The following CCNF variants were observed in gnomAD, a reference collection of about 807,000 sequenced individuals.
The protein encoded by CCNF is cyclin F.
Under a neutral mutation model 85.4 loss-of-function variants are expected in CCNF, and 30 were observed. That is an observed-to-expected ratio of 0.35 (90% CI 0.26 to 0.48). CCNF has a LOEUF of 0.48. CCNF is among the 20% of genes least tolerant of loss of function. CCNF has a pLI of 0.99. For synonymous variants in CCNF, 439 were observed against 425.1 expected (o/e 1.03, Z -0.40); for missense variants, 919 against 1,010.4 (o/e 0.91, Z 1.23).
At chr16:2,444,543 G>A (rs1273118567) in intron 9 of CCNF, among the ~76,000 whole-genome samples, 3 of 149,378 alleles carry the variant, frequency 2.0e-5, no homozygotes, top group Admixed American at 6.7e-5. Flanking sequence ...CTCGTGATCC[G>A]CCTGCCTCCG....
At position 2,453,135 on chromosome 16, in the gene CCNF, C is replaced by A; in HGVS notation, c.1488-75C>A. The stretch of plus-strand genomic sequence containing the variant: ...ACTGCACCATTTTGCATTCTCATTG[C>A]TCACTTCAGTGAACTGAAGCTAAAA... On this transcript the variant is annotated intron_variant, in intron 13 of 16. Coordinates refer to ENST00000397066, the MANE Select transcript of CCNF (RefSeq NM_001761.3). The surrounding 1 kb of genome is among the most constrained non-coding windows in gnomAD (Gnocchi z 5.6). 7.9e-7 allele frequency: 1 copy of A among 1,264,980 alleles called. No individual in the cohort carries two copies. 78.4% of individuals were successfully genotyped at this position (1,264,980 alleles called of 1,614,324 possible). A position where few individuals can be genotyped will look rare whatever the true frequency, so the allele number is the denominator to read the frequency against.
In CCNF at chr16:2,437,449, TGA is replaced by T. The variant is rs1279806166; in HGVS notation, c.540+131_540+132del. On this transcript the variant is annotated intron_variant, in intron 5 of 16. Transcript: ENST00000397066. Reference sequence around the variant, plus strand: ...TAAGGGAAGTGAAGATGCAGAAAACTGAGAGTGCAGATATGGGGAACGCATCT... The same window carrying T: ...TAAGGGAAGTGAAGATGCAGAAAACTGAGTGCAGATATGGGGAACGCATCT... 4.4e-6 allele frequency: 3 copies of T among 677,644 alleles called. No individual in the cohort carries two copies. In the Admixed American group the frequency reaches 9.3e-5, roughly 21 times the overall value. The allele number at this position is 677,644 out of a possible 1,614,324, so 42.0% of individuals were successfully genotyped here.
Position 2,456,926 on chromosome 16 carries a change from C to T in CCNF, c.2267C>T (p.Pro756Leu), listed in dbSNP as rs370448527. Reference sequence around the variant, plus strand: ...TTACAGTGTCGTCCCCCAAGTCCCCCGGAGAGCAGTGTTCCCCAGCAACAG... The same window carrying T: ...TTACAGTGTCGTCCCCCAAGTCCCCTGGAGAGCAGTGTTCCCCAGCAACAG... Reference protein sequence around the residue: ...SCLQCRPPSPPESSVPQQQVK... With the variant: ...SCLQCRPPSPLESSVPQQQVK... The change falls in exon 17 of 17, where the codon CCG (proline) becomes CTG (leucine). Residue 756 changes from proline (P) to leucine (L), a missense_variant. Around this residue, in one of 3 missense-constraint regions of CCNF, gnomAD observed 505 missense variants for 514.8 expected, o/e 0.98. Coordinates refer to ENST00000397066, the MANE Select transcript of CCNF (RefSeq NM_001761.3). This position sits in a 1 kb window ranked among gnomAD's most constrained non-coding sequence, Gnocchi z 4.5. The T allele has an allele frequency of 6.0e-5, 97 of 1,614,116 alleles. No homozygotes were observed. Among genetic ancestry groups the T allele is most frequent in the South Asian group, 5.3e-4 (48 of 91,074 alleles).
chr16:2,441,019 G>T (rs1353375129), intron 8 of CCNF, among the ~76,000 whole-genome samples: 1 of 150,950 alleles, frequency 6.6e-6, no homozygotes, highest in Non-Finnish European at 1.5e-5. Flanking sequence ...GGATCACGAG[G>T]TCAAGAGGTC....
In CCNF at chr16:2,449,365, C is replaced by T; in HGVS notation, c.1302C>T (p.Leu434=). The T allele has an allele frequency of 1.2e-6, 2 of 1,613,504 alleles. No homozygotes were observed. The highest frequency in any genetic ancestry group is 1.7e-6 in the Non-Finnish European group (2 of 1,179,958). ...GAACCCAGCACCTGTGCAGCTTCCT[C>T]TGCGAGCTCTCCCTGCTGCACACCA... is the stretch of plus-strand genomic sequence containing the variant. ...ELRTQHLCSF[L]CELSLLHTSL... The change falls in exon 12 of 17, where the codon CTC becomes CTT. Residue 434 remains leucine (L), a synonymous_variant. Coordinates refer to ENST00000397066, the MANE Select transcript of CCNF (RefSeq NM_001761.3).
At chr16:2,446,320 C>G (rs2065362221) in intron 10 of CCNF, among the ~76,000 whole-genome samples, 2 of 152,184 alleles carry the variant, frequency 1.3e-5, no homozygotes, top group Middle Eastern at 3.4e-3. Context: ...AAGTTGGGTT[C>G]TAAAGTCTGT....
At chr16:2,430,034 A>G (rs1293906916) in intron 1 of CCNF, among the ~76,000 whole-genome samples, 1 of 152,196 alleles carries the variant, frequency 6.6e-6, no homozygotes, top group Non-Finnish European at 1.5e-5. Flanking sequence ...GAGCCGGAGA[A>G]TGAGGAATAT....
Position 2,432,081 on chromosome 16 carries a change from C to T in CCNF, c.171+797C>T, listed in dbSNP as rs183559779. Among the ~76,000 whole-genome samples the T allele has an allele frequency of 2.1e-3, 316 of 152,190 alleles. 2 individuals are homozygous for T. The highest frequency in any genetic ancestry group is 7.1e-3 in the African/African-American group (293 of 41,528). ...TCTTGACCTCGTGATCCGCCCGCCT[C>T]GGCCTCCCAAAGTGCTGGGATTACA... is the stretch of plus-strand genomic sequence containing the variant. On this transcript the variant is annotated intron_variant, in intron 2 of 16. Coordinates refer to ENST00000397066, the MANE Select transcript of CCNF (RefSeq NM_001761.3).
intron 2 of CCNF, among the ~76,000 whole-genome samples, chr16:2,432,126 G>A (rs940349541): frequency 2.0e-5 from 3 of 152,088 alleles, no homozygotes; most frequent in Non-Finnish European, 4.4e-5. Context: ...CACTGCACCC[G>A]GCTGAAAGTA....
chr16:2,448,754 C>A lies in CCNF; in HGVS notation c.1095-101C>A. 9 of 1,048,390 alleles carry A rather than the reference C, an allele frequency of 8.6e-6. No homozygotes were observed. The South Asian group carries it at 1.3e-4, about 16-fold the overall frequency. The allele number at this position is 1,048,390 out of a possible 1,614,324, so 64.9% of individuals were successfully genotyped here. On this transcript the variant is annotated intron_variant, in intron 10 of 16. Coordinates refer to ENST00000397066, the MANE Select transcript of CCNF (RefSeq NM_001761.3). ...TTGTCACCAAAGCCCAACGCCATGGCTCCCTCCCTACCTTGAGGCCTCCTA... is the reference window on the plus strand; with the variant it reads ...TTGTCACCAAAGCCCAACGCCATGGATCCCTCCCTACCTTGAGGCCTCCTA...
intron 12 of CCNF, 25 bp downstream of exon 12, chr16:2,449,487 T>C (rs761710479): frequency 1.3e-6 from 2 of 1,587,656 alleles, no homozygotes; most frequent in Non-Finnish European, 8.5e-7. Flanking sequence ...TTCCCAGGGA[T>C]GCCTGTGTCG....
Position 2,456,966 on chromosome 16 carries a change from C to A in CCNF, c.2307C>A (p.Asn769Lys). 1 of 1,611,190 alleles carries A rather than the reference C, an allele frequency of 6.2e-7. No individual in the cohort carries two copies. Among genetic ancestry groups the A allele is most frequent in the South Asian group, 1.1e-5 (1 of 90,552 alleles). The stretch of plus-strand genomic sequence containing the variant: ...CCCAGCAACAGGTGAAGCGGATAAA[C>A]CTATGCATACACAGTGAGGAGGAGG... ...SVPQQQVKRI[N>K]LCIHSEEEDM... Residue 769 changes from asparagine to lysine, a missense_variant, in exon 17 of 17, where the codon AAC (asparagine) becomes AAA (lysine). This residue lies in a region of CCNF where 505 missense variants were observed against 514.8 expected (regional missense o/e 0.98). Transcript: ENST00000397066. This position sits in a 1 kb window ranked among gnomAD's most constrained non-coding sequence, Gnocchi z 4.5.
rs1261792905 is a variant in CCNF, at chr16:2,453,572, T to C, written c.1715+35T>C. ...CCTGCGTTCTGGCTGCGCCATACAATGCTGGCATCCTCGTGCCGGCCCAGT... is the reference window on the plus strand; with the variant it reads ...CCTGCGTTCTGGCTGCGCCATACAACGCTGGCATCCTCGTGCCGGCCCAGT... On this transcript the variant is annotated intron_variant, in intron 15 of 16. Coordinates refer to ENST00000397066, the MANE Select transcript of CCNF (RefSeq NM_001761.3). The surrounding 1 kb of genome is among the most constrained non-coding windows in gnomAD (Gnocchi z 5.6). The C allele has an allele frequency of 1.2e-6, 2 of 1,612,464 alleles. No homozygotes were observed. The highest frequency in any genetic ancestry group is 8.5e-7 in the Non-Finnish European group (1 of 1,179,308).
chr16:2,443,924 C>CCT, intron 9 of CCNF, 124 bp downstream of exon 9: 1 of 570,452 alleles, frequency 1.8e-6, no homozygotes. Flanking sequence ...CCTTATCACC[C>CCT]TTTTTTTTTT....
chr16:2,454,069 C>T (rs2065410757), intron 15 of CCNF, among the ~76,000 whole-genome samples: 1 of 152,214 alleles, frequency 6.6e-6, no homozygotes, highest in Non-Finnish European at 1.5e-5. Context: ...ATGAACAGGG[C>T]CCTCCCTGTG....
At position 2,445,479 on chromosome 16, in the gene CCNF, G is replaced by C. The variant is rs180707939; in HGVS notation, c.951G>C (p.Leu317=). Residue 317 remains leucine, a synonymous_variant, in exon 10 of 17, where the codon CTG becomes CTC. Transcript: ENST00000397066. ...DTMRYILIDW[L]VEVATMKDFT... ...GCAGGTACATTCTGATCGACTGGCT[G>C]GTGGAAGTTGCCACCATGAAGGACT... The C allele has an allele frequency of 6.2e-7, 1 of 1,614,078 alleles. No individual in the cohort carries two copies. The highest frequency in any genetic ancestry group is 1.3e-5 in the African/African-American group (1 of 75,064).
Position 2,439,743 on chromosome 16 carries a change from T to C in CCNF, c.700-6T>C. 1 of 1,613,242 alleles carries C rather than the reference T, an allele frequency of 6.2e-7. No individual in the cohort carries two copies. Among genetic ancestry groups the C allele is most frequent in the Non-Finnish European group, 8.5e-7 (1 of 1,179,210 alleles). ...GTACAAAGGCTCGGTGATCTCCCAT[T>C]GACAGGTGTCAGATCCTGGGCGATG... On this transcript the variant is annotated splice_region_variant and splice_polypyrimidine_tract_variant and intron_variant, in intron 7 of 16. Coordinates refer to ENST00000397066, the MANE Select transcript of CCNF (RefSeq NM_001761.3).
intron 3 of CCNF, among the ~76,000 whole-genome samples, chr16:2,434,560 G>A (rs1316010098): frequency 2.0e-5 from 3 of 152,000 alleles, no homozygotes; most frequent in African/African-American, 7.3e-5. Context: ...GCAGTGAGCC[G>A]AGATCGCACC....
chr16:2,444,465 A>G (rs948875691), intron 9 of CCNF, among the ~76,000 whole-genome samples: 2 of 147,068 alleles, frequency 1.4e-5, no homozygotes, highest in Non-Finnish European at 3.0e-5. Flanking sequence ...ACGCCCAGCT[A>G]ATTTTTTTGT....
Sources: gnomAD v4.1 joint callset for allele counts (sites outside exome capture counted in the v4.1 genomes callset) on GRCh38, gnomAD v4.1.1 for gene constraint, gnomAD v4.1.1 regional missense constraint, Gnocchi (gnomAD v3.1) non-coding constraint, MANE v1.5 for transcripts, NCBI Gene and HGNC (gene_info 2026-07-23, HGNC 2026-07-21) for gene names.